The following CNOT6 variants were observed in gnomAD, a reference collection of about 807,000 sequenced individuals.
CNOT6 encodes carbon catabolite repression 4 protein.
In CNOT6, 12 loss-of-function variants were observed where a neutral mutation model predicts 61.2. The observed-to-expected ratio is 0.20, with a 90% confidence interval of 0.13 to 0.32. The LOEUF (loss-of-function observed/expected upper bound fraction) is 0.32. CNOT6 is among the 10% of genes least tolerant of loss of function. The pLI is 1.00. For synonymous variants in CNOT6, 225 were observed against 240.6 expected (o/e 0.94, Z 0.60); for missense variants, 405 against 663.9 (o/e 0.61, Z 4.28).
Position 180,495,185 on chromosome 5 carries a change from A to G in CNOT6, c.-3+422A>G, listed in dbSNP as rs1490627059. Among the ~76,000 whole-genome samples, 6 of 152,226 alleles carry G rather than the reference A, an allele frequency of 3.9e-5. No individual in the cohort carries two copies. In the East Asian group the frequency reaches 1.2e-3, roughly 29 times the overall value. ...GTGTGGAGCTTCGCGCTCCGTGGCC[A>G]CAATTACTGTCAAGCGGGAAACCAA... On this transcript the variant is annotated intron_variant, in intron 1 of 11. Coordinates refer to ENST00000261951, the MANE Select transcript of CNOT6 (RefSeq NM_001370472.1).
intron 4 of CNOT6, among the ~76,000 whole-genome samples, chr5:180,556,789 A>G (rs955050577): frequency 2.6e-5 from 4 of 152,138 alleles, no homozygotes; most frequent in African/African-American, 9.7e-5. Flanking sequence ...CGTCACTACT[A>G]AAAATACAAA....
intron 1 of CNOT6, among the ~76,000 whole-genome samples, chr5:180,503,826 G>A (rs921633873): frequency 8.6e-5 from 13 of 151,406 alleles, no homozygotes; most frequent in Non-Finnish European, 1.8e-4. Context: ...GGATGGTCTC[G>A]ATCTCCTGGA....
intron 7 of CNOT6, among the ~76,000 whole-genome samples, chr5:180,566,488 G>T (rs1487914109): frequency 6.6e-6 from 1 of 152,056 alleles, no homozygotes; most frequent in Non-Finnish European, 1.5e-5. Flanking sequence ...TTCCACCTCA[G>T]TTCTAAGACA....
At chr5:180,534,665 G>T (rs1758580110) in intron 2 of CNOT6, 1 of 151,162 alleles carries the variant, frequency 6.6e-6, no homozygotes, top group South Asian at 2.1e-4. Context: ...AGTCGCTGGG[G>T]TCCGAGAGGC....
At chr5:180,501,349 T>C (rs1756859618) in intron 1 of CNOT6, among the ~76,000 whole-genome samples, 3 of 152,188 alleles carry the variant, frequency 2.0e-5, no homozygotes, top group African/African-American at 7.2e-5. Flanking sequence ...CTTGTTTAGC[T>C]TAGAGAACTG....
At chr5:180,542,845 T>TA (rs1404562789) in intron 2 of CNOT6, among the ~76,000 whole-genome samples, 2 of 152,198 alleles carry the variant, frequency 1.3e-5, no homozygotes, top group Non-Finnish European at 2.9e-5. Context: ...TTTGGGTACT[T>TA]ATGAGTATGT....
intron 1 of CNOT6, among the ~76,000 whole-genome samples, chr5:180,502,934 C>T (rs1756946081): frequency 6.6e-6 from 1 of 152,142 alleles, no homozygotes; most frequent in African/African-American, 2.4e-5. Context: ...ATGTTTTAGA[C>T]CAGTAGTTTC....
chr5:180,526,998 G>T (rs1351359038), intron 1 of CNOT6, among the ~76,000 whole-genome samples: 1 of 151,412 alleles, frequency 6.6e-6, no homozygotes, highest in African/African-American at 2.4e-5. Flanking sequence ...TCCCACCTCA[G>T]CCTCCTGAGT....
At chr5:180,563,904 T>G (rs1329382336) in intron 4 of CNOT6, among the ~76,000 whole-genome samples, 1 of 152,054 alleles carries the variant, frequency 6.6e-6, no homozygotes, top group Non-Finnish European at 1.5e-5. Context: ...AAGCAGTTAT[T>G]GAATTTACAG....
intron 1 of CNOT6, among the ~76,000 whole-genome samples, chr5:180,499,859 A>G (rs543364789): frequency 2.0e-5 from 3 of 152,326 alleles, no homozygotes; most frequent in Non-Finnish European, 4.4e-5. Flanking sequence ...GAAGGTTGTA[A>G]CACGAGAAGC....
chr5:180,566,073 G>C, intron 7 of CNOT6, 96 bp downstream of exon 7: 2 of 1,120,526 alleles, frequency 1.8e-6, no homozygotes, highest in Non-Finnish European at 1.2e-6. Flanking sequence ...AGCTTCAGTA[G>C]TTCTTAAAGT....
chr5:180,549,628 A>T (rs535657691), intron 2 of CNOT6, among the ~76,000 whole-genome samples: 75 of 152,176 alleles, frequency 4.9e-4, no homozygotes, highest in African/African-American at 1.8e-3. Context: ...CAGCCTGGGC[A>T]ACAGAGCGAG....
chr5:180,568,635 T>C (rs1334969100), intron 9 of CNOT6, among the ~76,000 whole-genome samples: 1 of 152,116 alleles, frequency 6.6e-6, no homozygotes, highest in Non-Finnish European at 1.5e-5. Context: ...AATGGACCAC[T>C]TCAAATTGAA....
intron 3 of CNOT6, among the ~76,000 whole-genome samples, chr5:180,553,064 G>A (rs1483529905): frequency 6.6e-6 from 1 of 152,162 alleles, no homozygotes; most frequent in Non-Finnish European, 1.5e-5. Context: ...TTTGCAAACT[G>A]TCTTGCCAGT....
At chr5:180,544,659 A>G (rs1012142113) in intron 2 of CNOT6, among the ~76,000 whole-genome samples, 1 of 152,246 alleles carries the variant, frequency 6.6e-6, no homozygotes, top group African/African-American at 2.4e-5. Flanking sequence ...CTGTATGGGA[A>G]AAGGAGCTAT....
intron 2 of CNOT6, among the ~76,000 whole-genome samples, chr5:180,548,162 G>A (rs1175124943): frequency 6.6e-6 from 1 of 152,194 alleles, no homozygotes; most frequent in African/African-American, 2.4e-5. Flanking sequence ...TAAAGTGCCA[G>A]TTTAGTGGGT....
chr5:180,555,629 C>G (rs956910542), intron 4 of CNOT6, among the ~76,000 whole-genome samples: 1 of 152,082 alleles, frequency 6.6e-6, no homozygotes, highest in Admixed American at 6.5e-5. Flanking sequence ...AATGTTGTGT[C>G]GGAACATTGG....
intron 4 of CNOT6, among the ~76,000 whole-genome samples, chr5:180,560,176 A>G (rs1760094669): frequency 1.3e-5 from 2 of 151,950 alleles, no homozygotes; most frequent in African/African-American, 4.8e-5. Flanking sequence ...TGAACTCCTG[A>G]CCTCATGATC....
chr5:180,506,017 A>G (rs898666614), intron 1 of CNOT6, among the ~76,000 whole-genome samples: 19 of 152,232 alleles, frequency 1.2e-4, no homozygotes, highest in Admixed American at 5.2e-4. Context: ...TGATCCCAGC[A>G]ACATATTATT....
Sources: gnomAD v4.1 joint callset for allele counts (sites outside exome capture counted in the v4.1 genomes callset) on GRCh38, gnomAD v4.1.1 for gene constraint, MANE v1.5 for transcripts, NCBI Gene and HGNC (gene_info 2026-07-23, HGNC 2026-07-21) for gene names.